LIN7A: variants seen among roughly 807,000 people sequenced by gnomAD.
LIN7A encodes protein lin-7 homolog A.
Under a neutral mutation model 29.8 loss-of-function variants are expected in LIN7A, and 25 were observed. The observed-to-expected ratio is 0.84, with a 90% CI of 0.61 to 1.17. The LOEUF is 1.17. Ranked by LOEUF, LIN7A falls within the 50% of genes most tolerant of loss-of-function variation. The pLI is 0.00. For missense variants in LIN7A, 239 were observed against 287.0 expected (o/e 0.83, Z 1.21); for synonymous variants, 118 against 107.5 (o/e 1.10, Z -0.60).
chr12:80,897,499 A>T (rs528198547), intron 1 of LIN7A, among the ~76,000 whole-genome samples: 3 of 152,282 alleles, frequency 2.0e-5, no homozygotes, highest in Non-Finnish European at 4.4e-5. Flanking sequence ...TAGAATCGTG[A>T]CAATTGCAGA....
chr12:80,825,535 G>A (rs1434646163), intron 4 of LIN7A, among the ~76,000 whole-genome samples: 1 of 152,198 alleles, frequency 6.6e-6, no homozygotes, highest in Non-Finnish European at 1.5e-5. Context: ...TTTATGACAG[G>A]TGGGCTGTTA....
chr12:80,879,645 C>CAAAAAAAA (rs530877505), intron 2 of LIN7A, among the ~76,000 whole-genome samples: 3 of 58,738 alleles, frequency 5.1e-5, no homozygotes, highest in African/African-American at 9.2e-5. Context: ...TGGAGCAGCC[C>CAAAAAAAA]AAAAAAAAAA....
At chr12:80,834,612 A>C (rs935658643) in intron 4 of LIN7A, among the ~76,000 whole-genome samples, 2 of 152,198 alleles carry the variant, frequency 1.3e-5, no homozygotes, top group Admixed American at 1.3e-4. Context: ...AGAAAGATGT[A>C]GTTCTAATAC....
chr12:80,819,073 T>C (rs1871672727), intron 4 of LIN7A, among the ~76,000 whole-genome samples: 1 of 152,124 alleles, frequency 6.6e-6, no homozygotes, highest in South Asian at 2.1e-4. Context: ...CAAAAATAGG[T>C]GAGTACAGCA....
intron 4 of LIN7A, among the ~76,000 whole-genome samples, chr12:80,827,871 C>T (rs1872154291): frequency 6.6e-6 from 1 of 152,134 alleles, no homozygotes; most frequent in Non-Finnish European, 1.5e-5. Context: ...CCTCTATAAC[C>T]TTATGTCTAA....
intron 4 of LIN7A, among the ~76,000 whole-genome samples, chr12:80,840,082 G>A (rs962257352): frequency 2.0e-5 from 3 of 151,610 alleles, no homozygotes; most frequent in Admixed American, 2.0e-4. Context: ...TTTCTTTCCT[G>A]TTCCTCACCT....
At chr12:80,834,757 G>A (rs895978178) in intron 4 of LIN7A, among the ~76,000 whole-genome samples, 3 of 152,168 alleles carry the variant, frequency 2.0e-5, no homozygotes, top group African/African-American at 7.2e-5. Flanking sequence ...ATATGTATCA[G>A]TGTCTTCTGT....
At chr12:80,807,083 T>TTTTTTTG (rs869115950) in intron 5 of LIN7A, among the ~76,000 whole-genome samples, 1 of 137,206 alleles carries the variant, frequency 7.3e-6, no homozygotes, top group Non-Finnish European at 1.6e-5. Context: ...TTTTTTTTTT[T>TTTTTTTG]TTTTTTTTGA....
chr12:80,894,842 T>C (rs1213926666), intron 1 of LIN7A, among the ~76,000 whole-genome samples: 1 of 152,092 alleles, frequency 6.6e-6, no homozygotes, highest in Non-Finnish European at 1.5e-5. Context: ...TACTATTATA[T>C]CAAGAGATTA....
intron 2 of LIN7A, among the ~76,000 whole-genome samples, chr12:80,856,541 CAAAT>C (rs945856686): frequency 1.3e-5 from 2 of 152,172 alleles, no homozygotes; most frequent in Non-Finnish European, 2.9e-5. Flanking sequence ...GGACGAAAAA[CAAAT>C]GAACTCTCCA....
intron 2 of LIN7A, among the ~76,000 whole-genome samples, chr12:80,856,534 C>A (rs149667128): frequency 6.6e-5 from 10 of 152,212 alleles, no homozygotes; most frequent in Admixed American, 6.5e-5. Context: ...CAAACAAGGA[C>A]GAAAAACAAA....
intron 1 of LIN7A, among the ~76,000 whole-genome samples, chr12:80,899,412 T>C (rs1268741815): frequency 5.3e-5 from 8 of 152,236 alleles, no homozygotes. Context: ...TTTGCATTTA[T>C]GTGTATCAAG....
At chr12:80,834,707 G>C (rs7307057) in intron 4 of LIN7A, among the ~76,000 whole-genome samples, 60,006 of 152,008 alleles carry the variant, frequency 0.39, 11,997 homozygotes, top group Non-Finnish European at 0.42. Flanking sequence ...ATGAACCTGT[G>C]AGCAATCACA....
intron 5 of LIN7A, among the ~76,000 whole-genome samples, chr12:80,799,922 G>C (rs1870632690): frequency 6.6e-6 from 1 of 152,052 alleles, no homozygotes; most frequent in Admixed American, 6.6e-5. Context: ...TGAGATGGAA[G>C]AACTATGTGA....
chr12:80,878,677 CTGCTGATTGGTCCATTTTACAGAG>C (rs1325016135), intron 2 of LIN7A, among the ~76,000 whole-genome samples: 8 of 152,178 alleles, frequency 5.3e-5, no homozygotes, highest in East Asian at 1.9e-4. Flanking sequence ...CGCCCATGTC[CTGCTGATTGGTCCATTTTACAGAG>C]TGCTGATTGG....
intron 4 of LIN7A, among the ~76,000 whole-genome samples, chr12:80,843,801 T>A (rs921939348): frequency 1.3e-5 from 2 of 152,104 alleles, no homozygotes; most frequent in Non-Finnish European, 2.9e-5. Context: ...GAACCTTATG[T>A]GTTTGATTCC....
chr12:80,888,192 A>G (rs141455073), intron 2 of LIN7A, among the ~76,000 whole-genome samples: 187 of 152,284 alleles, frequency 1.2e-3, no homozygotes, highest in African/African-American at 4.2e-3. Context: ...AATAGTGAAC[A>G]CTTCACCTGA....
At chr12:80,935,694 T>C (rs1479740707) in intron 1 of LIN7A, 1 of 430,964 alleles carries the variant, frequency 2.3e-6, no homozygotes, top group Admixed American at 2.0e-5. Flanking sequence ...TAACCCATCA[T>C]CTCTTGGTTA....
intron 4 of LIN7A, among the ~76,000 whole-genome samples, chr12:80,818,856 C>A (rs1206682016): frequency 1.3e-5 from 2 of 152,156 alleles, no homozygotes; most frequent in South Asian, 2.1e-4. Context: ...TTCTCTACAA[C>A]CTTACTACAG....
Sources: allele counts gnomAD v4.1 joint callset (sites outside exome capture counted in the v4.1 genomes callset), GRCh38; gene constraint gnomAD v4.1.1; transcripts MANE v1.5; gene names NCBI Gene and HGNC (gene_info 2026-07-23, HGNC 2026-07-21).